PTPRN2: variants seen among roughly 807,000 people sequenced by gnomAD.
PTPRN2 encodes protein tyrosine phosphatase receptor type N2, also known as receptor-type tyrosine-protein phosphatase N2.
In PTPRN2, 74 loss-of-function variants were observed where a neutral mutation model predicts 118.8. The observed-to-expected ratio is 0.62, with a 90% CI of 0.52 to 0.76. The LOEUF is 0.76. Among genes scored for constraint, PTPRN2 ranks in the 30% least tolerant of loss-of-function variants. PTPRN2 has a pLI of 0.00. For missense variants in PTPRN2, 1,481 were observed against 1,394.4 expected (o/e 1.06, Z -0.99); for synonymous variants, 641 against 608.0 (o/e 1.05, Z -0.80).
chr7:158,134,099 G>T, intron 8 of PTPRN2, 40 bp from the exon 9 acceptor site: 2 of 1,583,456 alleles, frequency 1.3e-6, no homozygotes, highest in South Asian at 1.2e-5. Flanking sequence ...TCTGCGAAAG[G>T]AATGCTGATG....
chr7:158,083,041 AC>A (rs558287710), intron 10 of PTPRN2, among the ~76,000 whole-genome samples: 3 of 151,956 alleles, frequency 2.0e-5, no homozygotes, highest in South Asian at 4.2e-4. Flanking sequence ...GCTGAGTTCT[AC>A]CCCCTCTCAA....
At chr7:158,131,053 G>C (rs371831851) in intron 9 of PTPRN2, among the ~76,000 whole-genome samples, 164 of 128,960 alleles carry the variant, frequency 1.3e-3, no homozygotes, top group African/African-American at 4.6e-3. Context: ...CGTACATACA[G>C]ACACCTGCCC....
chr7:158,131,679 GAC>G (rs372268836), intron 9 of PTPRN2, among the ~76,000 whole-genome samples: 6 of 130,832 alleles, frequency 4.6e-5, no homozygotes, highest in Non-Finnish European at 6.4e-5. Context: ...ACATCTACCC[GAC>G]ACACACTCAT....
chr7:158,572,162 T>C (rs1828078632), intron 1 of PTPRN2, among the ~76,000 whole-genome samples: 1 of 152,190 alleles, frequency 6.6e-6, no homozygotes, highest in Non-Finnish European at 1.5e-5. Flanking sequence ...GACTAGCACA[T>C]AGTAGGTATT....
At chr7:157,973,324 C>A (rs1802482557) in intron 11 of PTPRN2, among the ~76,000 whole-genome samples, 1 of 139,848 alleles carries the variant, frequency 7.2e-6, no homozygotes, top group Admixed American at 7.8e-5. Flanking sequence ...ATAAAACCTG[C>A]AGATGTAAAA....
At chr7:158,556,743 G>C (rs1436779429) in intron 1 of PTPRN2, among the ~76,000 whole-genome samples, 2 of 150,422 alleles carry the variant, frequency 1.3e-5, no homozygotes. Context: ...TCCCGGGCAG[G>C]TCAGGCGGCT....
At chr7:158,337,037 T>C (rs1436643312) in intron 2 of PTPRN2, among the ~76,000 whole-genome samples, 19 of 67,122 alleles carry the variant, frequency 2.8e-4, no homozygotes, top group Admixed American at 2.5e-3. Flanking sequence ...CCCACAGACA[T>C]CACTCACACC....
intron 18 of PTPRN2, 35 bp from the exon 19 acceptor site, chr7:157,576,814 A>T: frequency 1.9e-6 from 3 of 1,541,444 alleles, no homozygotes; most frequent in Non-Finnish European, 2.6e-6. Flanking sequence ...GGACAGAGAC[A>T]GGTGTGGACA....
At chr7:157,551,819 G>GCACGCATCCCACAGCCAC (rs1798638677) in intron 21 of PTPRN2, among the ~76,000 whole-genome samples, 1 of 37,374 alleles carries the variant, frequency 2.7e-5, no homozygotes, top group African/African-American at 1.1e-4. Flanking sequence ...CCCACAGCCA[G>GCACGCATCCCACAGCCAC]CACGCATCCC....
chr7:157,588,429 C>T (rs1173271180), intron 17 of PTPRN2, among the ~76,000 whole-genome samples: 1 of 152,202 alleles, frequency 6.6e-6, no homozygotes, highest in East Asian at 1.9e-4. Flanking sequence ...CTTACAGCTA[C>T]AGTCCTGCCC....
intron 2 of PTPRN2, among the ~76,000 whole-genome samples, chr7:158,331,388 C>G (rs1195330505): frequency 7.0e-6 from 1 of 142,270 alleles, no homozygotes. Context: ...GTCACTCACA[C>G]CCACACTCTC....
intron 11 of PTPRN2, among the ~76,000 whole-genome samples, chr7:158,005,294 G>A (rs534995607): frequency 3.3e-5 from 5 of 151,964 alleles, no homozygotes; most frequent in East Asian, 1.9e-4. Context: ...GGCTGGTCTC[G>A]AACTCCCGAC....
At chr7:157,998,404 A>C (rs1171362871) in intron 11 of PTPRN2, among the ~76,000 whole-genome samples, 1 of 152,204 alleles carries the variant, frequency 6.6e-6, no homozygotes, top group Non-Finnish European at 1.5e-5. Flanking sequence ...CGCTGAGGAC[A>C]GCAGACCACC....
intron 1 of PTPRN2, among the ~76,000 whole-genome samples, chr7:158,492,409 C>A (rs1821527744): frequency 6.6e-6 from 1 of 152,224 alleles, no homozygotes; most frequent in South Asian, 2.1e-4. Flanking sequence ...GGGAAGAAAG[C>A]CCCTGTTTTC....
chr7:158,404,918 T>C (rs1447505698), intron 2 of PTPRN2, among the ~76,000 whole-genome samples: 17 of 62,648 alleles, frequency 2.7e-4, no homozygotes, highest in Non-Finnish European at 3.9e-4. Context: ...CCCAGCTCCC[T>C]GGCTCCCAGC....
Position 158,249,203 on chromosome 7 carries a change from T to A in PTPRN2, c.278-43930A>T, listed in dbSNP as rs145024824. Among the ~76,000 whole-genome samples, 781 of 151,948 alleles carry A rather than the reference T, an allele frequency of 5.1e-3. 1 individual carries two copies. The highest frequency in any genetic ancestry group is 8.3e-3 in the Non-Finnish European group (564 of 67,936). The stretch of plus-strand genomic sequence containing the variant: ...CACACACGAACACACATCACACACA[T>A]GCACACCATACATAAATGCATACAT... On this transcript the variant is annotated intron_variant, in intron 3 of 22. Transcript: ENST00000389418.
At position 158,509,445 on chromosome 7, in the gene PTPRN2, A is replaced by T. The variant is rs562167018; in HGVS notation, c.113-19660T>A. On this transcript the variant is annotated intron_variant, in intron 1 of 22. Coordinates refer to ENST00000389418, the MANE Select transcript of PTPRN2 (RefSeq NM_002847.5). The surrounding 1 kb of genome is among the most constrained non-coding windows in gnomAD (Gnocchi z 4.4). ...GCACCCACCCTGCAGGAAAGAGCTC[A>T]GCATCCTGGCATCAAGTCTGCCATT... is the stretch of plus-strand genomic sequence containing the variant. 2.0e-4 allele frequency among the ~76,000 whole-genome samples: 30 copies of T among 152,326 alleles called. No homozygotes were observed. The highest frequency in any genetic ancestry group is 6.2e-4 in the South Asian group (3 of 4,830).
chr7:158,439,032 T>A (rs1328137840), intron 2 of PTPRN2, among the ~76,000 whole-genome samples: 1 of 152,214 alleles, frequency 6.6e-6, no homozygotes, highest in Non-Finnish European at 1.5e-5. Flanking sequence ...CAGGCTCAAT[T>A]GTGTATTCAC....
rs1002666598 is a variant in PTPRN2, at chr7:158,246,195, G to A, written c.278-40922C>T. 2.4e-4 allele frequency among the ~76,000 whole-genome samples: 36 copies of A among 151,702 alleles called. 1 individual carries two copies. Among genetic ancestry groups the A allele is most frequent in the African/African-American group, 8.5e-4 (35 of 41,148 alleles). On this transcript the variant is annotated intron_variant, in intron 3 of 22. Transcript: ENST00000389418. ...ATACACCTTTCTCGTAAGCTTCTCG[G>A]CACATACGGCAAAATATAAATACCC...
Sources: allele counts gnomAD v4.1 joint callset (sites outside exome capture counted in the v4.1 genomes callset), GRCh38; gene constraint gnomAD v4.1.1; non-coding constraint Gnocchi (gnomAD v3.1); transcripts MANE v1.5; gene names NCBI Gene and HGNC (gene_info 2026-07-23, HGNC 2026-07-21).